TMEM132D: variants seen among roughly 807,000 people sequenced by gnomAD.
TMEM132D encodes mature OL transmembrane protein.
Under a neutral mutation model 62.3 loss-of-function variants are expected in TMEM132D, and 21 were observed. The ratio of observed to expected loss-of-function variants is 0.34; its 90% CI spans 0.24 to 0.49. The LOEUF (loss-of-function observed/expected upper bound fraction) is 0.49, where lower values mean the gene tolerates loss of function less well. Among genes scored for constraint, TMEM132D ranks in the 20% least tolerant of loss-of-function variants. The pLI is 0.99. For missense variants in TMEM132D, 1,346 were observed against 1,402.8 expected (o/e 0.96, Z 0.65); for synonymous variants, 621 against 575.6 (o/e 1.08, Z -1.13).
intron 1 of TMEM132D, among the ~76,000 whole-genome samples, chr12:129,751,298 C>G (rs978904026): frequency 2.0e-5 from 3 of 152,102 alleles, no homozygotes; most frequent in Non-Finnish European, 4.4e-5. Flanking sequence ...CAGGAGAGAG[C>G]GAGCGAGTGG....
intron 1 of TMEM132D, chr12:129,853,140 A>C (rs1422927687): frequency 1.3e-5 from 2 of 152,178 alleles, no homozygotes; most frequent in Non-Finnish European, 2.9e-5. Flanking sequence ...CCATCAGAGC[A>C]TGTCTTTGCC....
intron 5 of TMEM132D, among the ~76,000 whole-genome samples, chr12:129,181,040 G>A (rs772924117): frequency 2.0e-5 from 3 of 152,230 alleles, no homozygotes; most frequent in Middle Eastern, 3.4e-3. Flanking sequence ...TGCCATTATC[G>A]GGGATATGAA....
At chr12:129,727,459 T>C (rs77298488) in intron 1 of TMEM132D, among the ~76,000 whole-genome samples, 1 of 152,182 alleles carries the variant, frequency 6.6e-6, no homozygotes, top group Non-Finnish European at 1.5e-5. Flanking sequence ...CATGATCTAA[T>C]CACCTCTTAA....
At chr12:129,339,359 G>A (rs540006451) in intron 3 of TMEM132D, among the ~76,000 whole-genome samples, 1 of 29,536 alleles carries the variant, frequency 3.4e-5, no homozygotes, top group Non-Finnish European at 8.4e-5. Context: ...CCGGAGAAAT[G>A]AGATGAGAAG....
At chr12:129,471,423 C>A (rs940087437) in intron 3 of TMEM132D, among the ~76,000 whole-genome samples, 1 of 152,052 alleles carries the variant, frequency 6.6e-6, no homozygotes, top group Non-Finnish European at 1.5e-5. Context: ...ATGAACTGTG[C>A]CCATAAGATG....
At chr12:129,750,210 C>A (rs914342866) in intron 1 of TMEM132D, among the ~76,000 whole-genome samples, 1 of 152,132 alleles carries the variant, frequency 6.6e-6, no homozygotes, top group Non-Finnish European at 1.5e-5. Flanking sequence ...CTCAGCCTCC[C>A]AGATAGCTGG....
chr12:129,290,600 T>C (rs942347790), intron 4 of TMEM132D, among the ~76,000 whole-genome samples: 1 of 152,210 alleles, frequency 6.6e-6, no homozygotes, highest in Non-Finnish European at 1.5e-5. Flanking sequence ...TGCACAAATG[T>C]GTATAAAAGT....
chr12:129,381,335 T>A (rs117074778), intron 3 of TMEM132D, among the ~76,000 whole-genome samples: 8 of 152,140 alleles, frequency 5.3e-5, no homozygotes, highest in African/African-American at 1.9e-4. Flanking sequence ...AAGAGGGAGA[T>A]TAGGCTCTGA....
chr12:129,431,315 CG>C (rs1405980123), intron 3 of TMEM132D, among the ~76,000 whole-genome samples: 1 of 152,148 alleles, frequency 6.6e-6, no homozygotes, highest in East Asian at 1.9e-4. Flanking sequence ...TTTCCCAAAT[CG>C]TTCTCCCTCT....
At chr12:129,437,257 C>T (rs961521598) in intron 3 of TMEM132D, among the ~76,000 whole-genome samples, 8 of 152,038 alleles carry the variant, frequency 5.3e-5, no homozygotes, top group Non-Finnish European at 1.2e-4. Flanking sequence ...ACTTTGAAGC[C>T]ACAGGTTAGG....
At chr12:129,874,331 AC>A (rs1874344091) in intron 1 of TMEM132D, among the ~76,000 whole-genome samples, 1 of 152,062 alleles carries the variant, frequency 6.6e-6, no homozygotes, top group Non-Finnish European at 1.5e-5. Flanking sequence ...AATCACTTGA[AC>A]CTGGGAGGCG....
intron 3 of TMEM132D, among the ~76,000 whole-genome samples, chr12:129,411,528 T>G (rs1267389371): frequency 6.6e-6 from 1 of 151,832 alleles, no homozygotes; most frequent in Non-Finnish European, 1.5e-5. Context: ...AATTTTTAAT[T>G]TTTTTTTATA....
chr12:129,724,867 G>A (rs1418962114), intron 1 of TMEM132D, among the ~76,000 whole-genome samples: 5 of 152,134 alleles, frequency 3.3e-5, no homozygotes, highest in African/African-American at 4.8e-5. Flanking sequence ...TTCTTACAGC[G>A]GCAATAGGAA....
In TMEM132D at chr12:129,078,695, C is replaced by T. The variant is rs1874356282; in HGVS notation, c.1954G>A (p.Ala652Thr). The change falls in exon 8 of 9, where the codon GCT (alanine) becomes ACT (threonine). Residue 652 changes from alanine (A) to threonine (T), a missense_variant. Transcript: ENST00000422113. ...TCCAGCACAGTGATGGTCTTTTCAG[C>T]GAGGATGGTGTCTGACAGAGGAGAC... The part of the protein sequence containing the change: ...ILSPLSDTIL[A>T]EKTITVLDEK... 2 of 1,614,062 alleles carry T rather than the reference C, an allele frequency of 1.2e-6. No individual in the cohort carries two copies. Among genetic ancestry groups the T allele is most frequent in the Non-Finnish European group, 1.7e-6 (2 of 1,180,004 alleles).
At chr12:129,846,785 C>G (rs1412392184) in intron 1 of TMEM132D, among the ~76,000 whole-genome samples, 1 of 152,148 alleles carries the variant, frequency 6.6e-6, no homozygotes, top group Non-Finnish European at 1.5e-5. Context: ...TTATTCAGTT[C>G]TAGAATTTTT....
chr12:129,289,561 A>AAT (rs1163295161), intron 4 of TMEM132D, among the ~76,000 whole-genome samples: 38 of 148,762 alleles, frequency 2.6e-4, no homozygotes, highest in African/African-American at 8.4e-4. Flanking sequence ...AAAAAAAAAA[A>AAT]AAAGAAAAAA....
At chr12:129,634,366 C>T (rs1481097674) in intron 2 of TMEM132D, among the ~76,000 whole-genome samples, 2 of 150,528 alleles carry the variant, frequency 1.3e-5, no homozygotes, top group Non-Finnish European at 2.9e-5. Context: ...CCCAGCTGCT[C>T]GGGAGGCTGA....
chr12:129,499,399 C>T (rs1265610221), intron 3 of TMEM132D, among the ~76,000 whole-genome samples: 3 of 152,120 alleles, frequency 2.0e-5, no homozygotes, highest in Non-Finnish European at 4.4e-5. Context: ...AAAAGGAAAG[C>T]CATGAATATG....
At chr12:129,495,806 G>A (rs368509886) in intron 3 of TMEM132D, among the ~76,000 whole-genome samples, 2 of 152,300 alleles carry the variant, frequency 1.3e-5, no homozygotes, top group South Asian at 2.1e-4. Flanking sequence ...CCTGAAGAGA[G>A]GCACTGTTTC....
Sources: gnomAD v4.1 joint callset for allele counts (sites outside exome capture counted in the v4.1 genomes callset) on GRCh38, gnomAD v4.1.1 for gene constraint, MANE v1.5 for transcripts, NCBI Gene and HGNC (gene_info 2026-07-23, HGNC 2026-07-21) for gene names.